GXYLT2: variants seen among roughly 807,000 people sequenced by gnomAD.
GXYLT2 encodes glucoside xylosyltransferase 2.
Under a neutral mutation model 45.8 loss-of-function variants are expected in GXYLT2, and 53 were observed. The observed-to-expected ratio is 1.16, with a 90% CI of 0.93 to 1.46. GXYLT2 has a LOEUF of 1.46. Among genes scored for constraint, GXYLT2 ranks in the 40% most tolerant of loss-of-function variants. The probability of loss-of-function intolerance (pLI) is 0.00; values close to 1 mark genes in which losing one functional copy is unlikely to be tolerated. For missense variants in GXYLT2, 551 were observed against 544.4 expected (o/e 1.01, Z -0.12); for synonymous variants, 219 against 214.2 (o/e 1.02, Z -0.19).
At chr3:72,931,992 C>CTTTA in intron 3 of GXYLT2, among the ~76,000 whole-genome samples, 1 of 151,616 alleles carries the variant, frequency 6.6e-6, no homozygotes, top group East Asian at 1.9e-4. Flanking sequence ...TAAAGCAATA[C>CTTTA]TATGAATAAT....
chr3:72,926,498 T>G (rs1437348795), intron 3 of GXYLT2, among the ~76,000 whole-genome samples: 7 of 152,180 alleles, frequency 4.6e-5, no homozygotes, highest in Non-Finnish European at 1.0e-4. Flanking sequence ...TACAAATAAA[T>G]CAAATGTGTT....
At chr3:72,910,367 G>A (rs1709593221) in intron 2 of GXYLT2, among the ~76,000 whole-genome samples, 2 of 152,064 alleles carry the variant, frequency 1.3e-5, no homozygotes, top group African/African-American at 4.8e-5. Context: ...TCAACTAGTA[G>A]ACAGAAGACT....
rs537812007 is a variant in GXYLT2, at chr3:72,929,011, C to T, written c.600+6676C>T. 18 of 1,317,226 alleles carry T rather than the reference C, an allele frequency of 1.4e-5. No individual in the cohort carries two copies. In the South Asian group the frequency reaches 1.7e-4, roughly 12 times the overall value. The allele number at this position is 1,317,226 out of a possible 1,614,324, so 81.6% of individuals were successfully genotyped here. On this transcript the variant is annotated intron_variant, in intron 3 of 6. Transcript: ENST00000389617. ...GGCCCGCCGCCGCTCCAGCGCCGCG[C>T]AGCCACCGCCGCCTCTCCTTAGCCG...
At chr3:72,917,840 GA>G (rs997834022) in intron 2 of GXYLT2, among the ~76,000 whole-genome samples, 17 of 151,142 alleles carry the variant, frequency 1.1e-4, no homozygotes, top group African/African-American at 2.4e-4. Context: ...ATAATAAATG[GA>G]AAAAAAACCC....
intron 3 of GXYLT2, among the ~76,000 whole-genome samples, chr3:72,950,025 G>T (rs1198506665): frequency 6.6e-6 from 1 of 151,112 alleles, no homozygotes; most frequent in Admixed American, 6.6e-5. Context: ...TTTACAGGAA[G>T]AGGAAACTGA....
intron 5 of GXYLT2, among the ~76,000 whole-genome samples, chr3:72,961,192 A>G (rs1029750106): frequency 6.6e-6 from 1 of 152,212 alleles, no homozygotes; most frequent in Non-Finnish European, 1.5e-5. Context: ...CAAGGGGTGG[A>G]AAACTGAGTT....
At chr3:72,929,062 G>T (rs545446272) in intron 3 of GXYLT2, 14 of 1,584,434 alleles carry the variant, frequency 8.8e-6, no homozygotes, top group Middle Eastern at 2.2e-4. Flanking sequence ...CGTCCACCTC[G>T]CAGGTGCGCC....
At chr3:72,911,027 C>T (rs112885973) in intron 2 of GXYLT2, among the ~76,000 whole-genome samples, 59 of 152,214 alleles carry the variant, frequency 3.9e-4, no homozygotes, top group African/African-American at 1.4e-3. Flanking sequence ...CGTGGTGGCT[C>T]ACACCTGTAA....
At chr3:72,911,809 C>T (rs1268271147) in intron 2 of GXYLT2, among the ~76,000 whole-genome samples, 1 of 151,848 alleles carries the variant, frequency 6.6e-6, no homozygotes, top group Non-Finnish European at 1.5e-5. Context: ...GGGTCTCACT[C>T]TGTTGCCCAT....
At chr3:72,915,354 T>TTTGGGGGG (rs71126805) in intron 2 of GXYLT2, among the ~76,000 whole-genome samples, 3 of 33,480 alleles carry the variant, frequency 9.0e-5, no homozygotes, top group African/African-American at 3.3e-4. Flanking sequence ...TTTTTTTTTT[T>TTTGGGGGG]GCGGGGGGGG....
intron 6 of GXYLT2, among the ~76,000 whole-genome samples, chr3:72,968,948 G>A (rs1428360304): frequency 6.6e-6 from 1 of 152,034 alleles, no homozygotes; most frequent in African/African-American, 2.4e-5. Flanking sequence ...GCGAGCGCCT[G>A]TAGTCCCAGC....
chr3:72,929,460 C>T (rs1388727745), intron 3 of GXYLT2: 20 of 1,510,422 alleles, frequency 1.3e-5, no homozygotes, highest in Non-Finnish European at 1.8e-5. Context: ...GACACATTAC[C>T]TGAATGAGCA....
intron 6 of GXYLT2, among the ~76,000 whole-genome samples, chr3:72,968,456 G>T (rs947308566): frequency 1.3e-5 from 2 of 152,334 alleles, no homozygotes; most frequent in Non-Finnish European, 2.9e-5. Flanking sequence ...ACAACAAGGA[G>T]CCAAACTAAA....
At chr3:72,912,562 A>G (rs35175107) in intron 2 of GXYLT2, among the ~76,000 whole-genome samples, 38,183 of 152,142 alleles carry the variant, frequency 0.25, 8,917 homozygotes, top group African/African-American at 0.63. Context: ...ACACAAACAT[A>G]TATGTATGTA....
intron 3 of GXYLT2, among the ~76,000 whole-genome samples, chr3:72,933,867 G>A (rs1276348488): frequency 1.3e-5 from 2 of 151,952 alleles, no homozygotes. Flanking sequence ...TGGCCCCACT[G>A]CACTCCAACT....
rs1159637462 is a variant in GXYLT2 at position 72,955,159 on chromosome 3, C to A, written c.662C>A (p.Pro221His). ...GACACCGATGTCCTCTTTCTGAGACCTGTTGATGACATCTGGAAGCTTCTG... is the reference window on the plus strand; with the variant it reads ...GACACCGATGTCCTCTTTCTGAGACATGTTGATGACATCTGGAAGCTTCTG... ...YVDTDVLFLR[P>H]VDDIWKLLRL... The change falls in exon 4 of 7, where the codon CCT (proline) becomes CAT (histidine). Residue 221 changes from proline (P) to histidine (H), a missense_variant. Transcript: ENST00000389617. The A allele has an allele frequency of 6.2e-7, 1 of 1,613,938 alleles. No individual in the cohort carries two copies. The highest frequency in any genetic ancestry group is 8.5e-7 in the Non-Finnish European group (1 of 1,179,854).
chr3:72,914,568 C>A (rs1709698972), intron 2 of GXYLT2, among the ~76,000 whole-genome samples: 1 of 151,560 alleles, frequency 6.6e-6, no homozygotes, highest in Non-Finnish European at 1.5e-5. Flanking sequence ...CTTGCGTGCG[C>A]ATGTATATGC....
At position 72,944,263 on chromosome 3, in the gene GXYLT2, C is replaced by CTT. The variant is rs57166772; in HGVS notation, c.601-10825_601-10824dup. On this transcript the variant is annotated intron_variant, in intron 3 of 6. Coordinates refer to ENST00000389617, the MANE Select transcript of GXYLT2 (RefSeq NM_001080393.2). ...TCACCACACCTGGCTCTTTTTTTTT[C>CTT]TTTTTTTTTTTGAGACTGTCTGGCT... Among the ~76,000 whole-genome samples the CTT allele has an allele frequency of 2.1e-3, 298 of 141,180 alleles. 3 individuals carry two copies. The highest frequency in any genetic ancestry group is 4.9e-3 in the African/African-American group (187 of 37,790). 92.6% of individuals were successfully genotyped at this position (141,180 alleles called of 152,430 possible). A position where few individuals can be genotyped will look rare whatever the true frequency, so the allele number is the denominator to read the frequency against.
At chr3:72,915,363 G>GT (rs1709719724) in intron 2 of GXYLT2, among the ~76,000 whole-genome samples, 2 of 134,824 alleles carry the variant, frequency 1.5e-5, no homozygotes, top group Admixed American at 1.5e-4. Context: ...TTGCGGGGGG[G>GT]GGGGGGATTT....
Sources: allele counts gnomAD v4.1 joint callset (sites outside exome capture counted in the v4.1 genomes callset), GRCh38; gene constraint gnomAD v4.1.1; transcripts MANE v1.5; gene names NCBI Gene and HGNC (gene_info 2026-07-23, HGNC 2026-07-21).